The following PDE4D variants were observed in gnomAD, a reference collection of about 807,000 sequenced individuals.
PDE4D encodes 3',5'-cyclic-AMP phosphodiesterase 4D.
Under a neutral mutation model 87.4 loss-of-function variants are expected in PDE4D, and 24 were observed. The observed-to-expected ratio is 0.27, with a 90% CI of 0.20 to 0.39. The LOEUF (loss-of-function observed/expected upper bound fraction) is 0.39. Ranked by LOEUF, PDE4D falls within the 10% of genes least tolerant of loss-of-function variation. The pLI is 1.00. For synonymous variants in PDE4D, 384 were observed against 383.2 expected (o/e 1.00, Z -0.02); for missense variants, 714 against 1,041.0 (o/e 0.69, Z 4.32).
At chr5:60,116,748 G>A (rs1778206959) in intron 2 of PDE4D, among the ~76,000 whole-genome samples, 1 of 151,930 alleles carries the variant, frequency 6.6e-6, no homozygotes, top group African/African-American at 2.4e-5. Context: ...TTGGGAAATT[G>A]CAAACTCATT....
chr5:59,504,113 A>G (rs563097088), intron 1 of PDE4D, among the ~76,000 whole-genome samples: 1 of 151,708 alleles, frequency 6.6e-6, no homozygotes, highest in East Asian at 1.9e-4. Context: ...TGCAATCAAT[A>G]AATGTAATAG....
At chr5:60,108,870 T>G (rs1175293199) in intron 2 of PDE4D, among the ~76,000 whole-genome samples, 1 of 151,944 alleles carries the variant, frequency 6.6e-6, no homozygotes, top group Non-Finnish European at 1.5e-5. Flanking sequence ...CAAGATGGAT[T>G]AAAGACTTAA....
chr5:59,869,741 A>T (rs1747550109), intron 1 of PDE4D, among the ~76,000 whole-genome samples: 1 of 152,190 alleles, frequency 6.6e-6, no homozygotes. Context: ...ATAACATTTC[A>T]GGTCCTCAAA....
chr5:59,092,782 A>T (rs1295165682), intron 5 of PDE4D, among the ~76,000 whole-genome samples: 4 of 152,240 alleles, frequency 2.6e-5, no homozygotes. Context: ...AACTTTGCAC[A>T]GTGCAAATAC....
intron 1 of PDE4D, among the ~76,000 whole-genome samples, chr5:59,243,396 T>C (rs1485534996): frequency 6.6e-6 from 1 of 151,466 alleles, no homozygotes; most frequent in Non-Finnish European, 1.5e-5. Flanking sequence ...AATATATAAA[T>C]GTTTTCCCTT....
chr5:59,806,325 A>G (rs1054625287), intron 1 of PDE4D, among the ~76,000 whole-genome samples: 7 of 152,164 alleles, frequency 4.6e-5, no homozygotes, highest in Non-Finnish European at 1.0e-4. Context: ...GACTTGCTCT[A>G]CCTCACTGTT....
At chr5:59,500,260 T>A (rs1394051407) in intron 1 of PDE4D, among the ~76,000 whole-genome samples, 1 of 152,116 alleles carries the variant, frequency 6.6e-6, no homozygotes, top group Non-Finnish European at 1.5e-5. Context: ...GCTGAGTGTA[T>A]ACCCAAAGGA....
chr5:59,296,416 T>A (rs1581815948), intron 1 of PDE4D, among the ~76,000 whole-genome samples: 1 of 150,440 alleles, frequency 6.6e-6, no homozygotes, highest in African/African-American at 2.4e-5. Flanking sequence ...GCCAATTTAT[T>A]AAAAAAAAAA....
At chr5:59,930,874 A>G (rs1310521357) in intron 3 of PDE4D, among the ~76,000 whole-genome samples, 2 of 152,242 alleles carry the variant, frequency 1.3e-5, no homozygotes, top group Admixed American at 6.5e-5. Flanking sequence ...AATAATATGC[A>G]GTGGTATGAG....
chr5:59,472,824 T>C (rs544308909), intron 1 of PDE4D, among the ~76,000 whole-genome samples: 9 of 152,206 alleles, frequency 5.9e-5, no homozygotes, highest in South Asian at 2.1e-4. Context: ...GATTGAATAA[T>C]ACATCTTAAT....
At chr5:59,684,632 C>T (rs140387691) in intron 1 of PDE4D, among the ~76,000 whole-genome samples, 108 of 152,142 alleles carry the variant, frequency 7.1e-4, no homozygotes, top group African/African-American at 2.5e-3. Flanking sequence ...TGTGTGGGGC[C>T]GTGAGGATAT....
intron 1 of PDE4D, among the ~76,000 whole-genome samples, chr5:59,720,714 A>C (rs111409899): frequency 6.6e-5 from 10 of 152,312 alleles, no homozygotes; most frequent in African/African-American, 2.4e-4. Flanking sequence ...ATTAAAGACA[A>C]GGAACACTGA....
At chr5:59,523,973 T>G (rs1812653388) in intron 1 of PDE4D, among the ~76,000 whole-genome samples, 1 of 152,200 alleles carries the variant, frequency 6.6e-6, no homozygotes, top group African/African-American at 2.4e-5. Context: ...GCCTCCCCAG[T>G]CATGTGGAAC....
chr5:59,689,568 T>C (rs1426808600), intron 1 of PDE4D, among the ~76,000 whole-genome samples: 1 of 152,154 alleles, frequency 6.6e-6, no homozygotes, highest in Admixed American at 6.5e-5. Context: ...ATGGGATGTA[T>C]CTCAAAATAA....
intron 6 of PDE4D, among the ~76,000 whole-genome samples, chr5:59,017,283 C>T (rs1183864568): frequency 2.0e-5 from 3 of 152,108 alleles, no homozygotes; most frequent in Non-Finnish European, 1.5e-5. Context: ...TGTAAAAGTG[C>T]TTGAGGCAAA....
intron 1 of PDE4D, among the ~76,000 whole-genome samples, chr5:59,813,781 G>C (rs1169931029): frequency 2.0e-5 from 3 of 152,186 alleles, no homozygotes; most frequent in African/African-American, 7.2e-5. Context: ...GCACATCACT[G>C]TCTGGGCAGG....
intron 6 of PDE4D, among the ~76,000 whole-genome samples, chr5:59,017,526 AT>A (rs1189127977): frequency 3.3e-5 from 5 of 152,190 alleles, no homozygotes; most frequent in African/African-American, 1.2e-4. Context: ...CTTCAAAGAC[AT>A]TTTACCTCCT....
chr5:60,210,930 G>GCCA (rs1208075372), intron 1 of PDE4D, among the ~76,000 whole-genome samples: 2 of 152,158 alleles, frequency 1.3e-5, no homozygotes, highest in African/African-American at 4.8e-5. Flanking sequence ...GGCAGGCCAG[G>GCCA]CCACTGCAAA....
At chr5:59,027,739 C>G (rs1308665946) in intron 6 of PDE4D, among the ~76,000 whole-genome samples, 1 of 152,048 alleles carries the variant, frequency 6.6e-6, no homozygotes, top group Non-Finnish European at 1.5e-5. Context: ...CTACAAGATG[C>G]TCCAGGCTCA....
Sources: gnomAD v4.1 joint callset for allele counts (sites outside exome capture counted in the v4.1 genomes callset) on GRCh38, gnomAD v4.1.1 for gene constraint, MANE v1.5 for transcripts, NCBI Gene and HGNC (gene_info 2026-07-23, HGNC 2026-07-21) for gene names.